The following TAF3 variants were observed in gnomAD, a reference collection of about 807,000 sequenced individuals.
The protein encoded by TAF3 is TATA-box binding protein associated factor 3, also known as transcription initiation factor TFIID subunit 3.
A neutral mutation model predicts 80.6 loss-of-function variants in TAF3; 7 were observed. The observed-to-expected ratio is 0.09, with a 90% CI of 0.05 to 0.16. The LOEUF (loss-of-function observed/expected upper bound fraction) is 0.16. TAF3 is among the 10% of genes least tolerant of loss of function. The pLI is 1.00. For synonymous variants in TAF3, 444 were observed against 446.1 expected (o/e 1.00, Z 0.06); for missense variants, 921 against 1,140.2 (o/e 0.81, Z 2.77).
intron 2 of TAF3, among the ~76,000 whole-genome samples, chr10:7,896,364 A>C (rs1837504311): frequency 6.6e-6 from 1 of 152,286 alleles, no homozygotes; most frequent in East Asian, 1.9e-4. Context: ...GTCCTGTGCA[A>C]CTACTCCCAG....
At chr10:7,990,730 G>A (rs551302564) in intron 4 of TAF3, among the ~76,000 whole-genome samples, 1 of 152,292 alleles carries the variant, frequency 6.6e-6, no homozygotes, top group South Asian at 2.1e-4. Context: ...TCAGTTCAAA[G>A]GTCTCTGTAG....
intron 4 of TAF3, among the ~76,000 whole-genome samples, chr10:8,007,842 T>C (rs500915): frequency 4.0e-5 from 6 of 151,810 alleles, no homozygotes; most frequent in Admixed American, 2.0e-4. Context: ...CAATAAATAG[T>C]GCTTTTTATA....
At chr10:7,988,911 GTTTATT>G (rs1319952187) in intron 4 of TAF3, among the ~76,000 whole-genome samples, 4 of 151,706 alleles carry the variant, frequency 2.6e-5, no homozygotes, top group Admixed American at 6.6e-5. Context: ...GCACTTAAAA[GTTTATT>G]TTTATATAAA....
intron 2 of TAF3, among the ~76,000 whole-genome samples, chr10:7,853,760 A>T (rs2131128054): frequency 6.6e-6 from 1 of 152,324 alleles, no homozygotes; most frequent in East Asian, 1.9e-4. Context: ...ATGAGATGTG[A>T]CAGAGACTGT....
chr10:7,900,846 T>G (rs926653702), intron 2 of TAF3, among the ~76,000 whole-genome samples: 1 of 152,160 alleles, frequency 6.6e-6, no homozygotes, highest in Non-Finnish European at 1.5e-5. Context: ...ATGGATTTTC[T>G]CCTACATTAG....
At chr10:7,922,854 T>A (rs903343758) in intron 2 of TAF3, among the ~76,000 whole-genome samples, 21 of 152,058 alleles carry the variant, frequency 1.4e-4, no homozygotes, top group African/African-American at 4.3e-4. Flanking sequence ...ACTTTAGAGA[T>A]AACAAAAGCA....
intron 2 of TAF3, among the ~76,000 whole-genome samples, chr10:7,914,185 T>C (rs1588550050): frequency 6.6e-6 from 1 of 152,354 alleles, no homozygotes; most frequent in African/African-American, 2.4e-5. Flanking sequence ...GATGTGGTTA[T>C]ACATATTCTT....
intron 3 of TAF3, among the ~76,000 whole-genome samples, chr10:7,966,428 C>A (rs1831572098): frequency 6.6e-6 from 1 of 152,136 alleles, no homozygotes; most frequent in South Asian, 2.1e-4. Context: ...GCATACAGCC[C>A]GACAAACTGA....
intron 2 of TAF3, among the ~76,000 whole-genome samples, chr10:7,930,962 A>G (rs1588556106): frequency 6.6e-6 from 1 of 152,204 alleles, no homozygotes; most frequent in South Asian, 2.1e-4. Flanking sequence ...AATTGTTTCT[A>G]CCAAATCTGT....
At chr10:7,944,312 C>G (rs995688751) in intron 2 of TAF3, among the ~76,000 whole-genome samples, 4 of 152,164 alleles carry the variant, frequency 2.6e-5, no homozygotes, top group African/African-American at 7.2e-5. Context: ...TGCCAATTTT[C>G]TGTCTAAATT....
chr10:7,879,983 G>C (rs1377551654), intron 2 of TAF3, among the ~76,000 whole-genome samples: 1 of 152,154 alleles, frequency 6.6e-6, no homozygotes, highest in African/African-American at 2.4e-5. Context: ...TCTGCAGCAA[G>C]AGGAGCACTT....
chr10:7,869,651 G>C (rs1015785055), intron 2 of TAF3, among the ~76,000 whole-genome samples: 5 of 152,194 alleles, frequency 3.3e-5, no homozygotes, highest in Non-Finnish European at 7.3e-5. Context: ...AAGAACTGCT[G>C]TGTTGATTGT....
intron 2 of TAF3, among the ~76,000 whole-genome samples, chr10:7,882,900 T>G (rs764813130): frequency 4.6e-5 from 7 of 152,260 alleles, no homozygotes; most frequent in Non-Finnish European, 1.0e-4. Context: ...TCGTTTGCTT[T>G]TTCTGTGCTG....
At chr10:7,863,622 A>T (rs1231207378) in intron 2 of TAF3, among the ~76,000 whole-genome samples, 691 of 68,546 alleles carry the variant, frequency 0.01, 35 homozygotes, top group African/African-American at 0.025. Context: ...AAAAAAAAAA[A>T]AAAAATATAT....
intron 4 of TAF3, among the ~76,000 whole-genome samples, chr10:8,001,102 C>T (rs1016660937): frequency 6.6e-6 from 1 of 152,044 alleles, no homozygotes; most frequent in Admixed American, 6.6e-5. Context: ...TTTTTGCAGC[C>T]ATAGACAGTG....
intron 2 of TAF3, among the ~76,000 whole-genome samples, chr10:7,844,679 T>C (rs994379049): frequency 6.6e-6 from 1 of 152,164 alleles, no homozygotes; most frequent in Non-Finnish European, 1.5e-5. Context: ...CCTGGCCAGC[T>C]TTTCTTCTTT....
chr10:7,983,705 G>T (rs1014325193), intron 4 of TAF3, among the ~76,000 whole-genome samples: 2 of 152,152 alleles, frequency 1.3e-5, no homozygotes, highest in African/African-American at 2.4e-5. Flanking sequence ...TGGACGTAGT[G>T]GCGTGCACCT....
chr10:7,960,554 T>C (rs1838179920), intron 2 of TAF3, among the ~76,000 whole-genome samples: 2 of 152,130 alleles, frequency 1.3e-5, no homozygotes, highest in African/African-American at 4.8e-5. Context: ...AAAAGACATT[T>C]CAGGCACGGG....
At chr10:7,934,757 A>G (rs1488411436) in intron 2 of TAF3, among the ~76,000 whole-genome samples, 1 of 152,060 alleles carries the variant, frequency 6.6e-6, no homozygotes, top group Non-Finnish European at 1.5e-5. Context: ...CCTTCCTTTA[A>G]TATTTAAAAG....
Sources: allele counts gnomAD v4.1 joint callset (sites outside exome capture counted in the v4.1 genomes callset), GRCh38; gene constraint gnomAD v4.1.1; transcripts MANE v1.5; gene names NCBI Gene and HGNC (gene_info 2026-07-23, HGNC 2026-07-21).